AGBL4: variants seen among roughly 807,000 people sequenced by gnomAD.
AGBL4 encodes AGBL carboxypeptidase 4.
Under a neutral mutation model 66.4 loss-of-function variants are expected in AGBL4, and 58 were observed. The ratio of observed to expected loss-of-function variants is 0.87; its 90% CI spans 0.71 to 1.09. The LOEUF is 1.09. AGBL4 is among the 50% of genes least tolerant of loss of function. The probability of loss-of-function intolerance (pLI) is 0.00; values close to 1 mark genes in which losing one functional copy is unlikely to be tolerated. For synonymous variants in AGBL4, 234 were observed against 222.9 expected, an observed-to-expected ratio of 1.05 and a Z score of -0.44; for missense variants, 579 against 631.0, an observed-to-expected ratio of 0.92 and a Z score of 0.88.
intron 8 of AGBL4, among the ~76,000 whole-genome samples, chr1:48,644,053 C>T (rs1253309237): frequency 6.6e-6 from 1 of 152,102 alleles, no homozygotes; most frequent in East Asian, 1.9e-4. Flanking sequence ...CCTGTATCTC[C>T]TTCTACATTG....
intron 2 of AGBL4, among the ~76,000 whole-genome samples, chr1:49,786,528 A>G (rs965880403): frequency 7.9e-5 from 12 of 152,264 alleles, no homozygotes; most frequent in Middle Eastern, 6.8e-3. Context: ...TTTTTATTCA[A>G]CTTAGTACTC....
intron 6 of AGBL4, among the ~76,000 whole-genome samples, chr1:48,752,716 C>A (rs1222655862): frequency 3.3e-5 from 5 of 152,082 alleles, no homozygotes; most frequent in African/African-American, 1.2e-4. Context: ...TACTATATGC[C>A]AGCCTCCAGG....
chr1:49,820,935 C>T (rs1380286845), intron 2 of AGBL4, among the ~76,000 whole-genome samples: 1 of 152,154 alleles, frequency 6.6e-6, no homozygotes, highest in Non-Finnish European at 1.5e-5. Context: ...GAATAACATG[C>T]TTACCCTAAT....
intron 1 of AGBL4, among the ~76,000 whole-genome samples, chr1:49,899,164 C>T (rs186325205): frequency 5.7e-4 from 86 of 151,984 alleles, no homozygotes; most frequent in Middle Eastern, 6.8e-3. Flanking sequence ...TAAATGCTTG[C>T]GGGGATGAAT....
At chr1:49,880,718 C>T (rs1321418926) in intron 1 of AGBL4, among the ~76,000 whole-genome samples, 1 of 152,160 alleles carries the variant, frequency 6.6e-6, no homozygotes, top group African/African-American at 2.4e-5. Flanking sequence ...GCTTTGTTTA[C>T]CTAAGCAAGC....
chr1:49,848,811 T>TA (rs1277920158), intron 2 of AGBL4, among the ~76,000 whole-genome samples: 1 of 152,116 alleles, frequency 6.6e-6, no homozygotes, highest in African/African-American at 2.4e-5. Context: ...TTTATTCAAA[T>TA]AAAAAACTTT....
chr1:48,967,439 AT>A (rs1476121686), intron 5 of AGBL4, among the ~76,000 whole-genome samples: 2 of 152,188 alleles, frequency 1.3e-5, no homozygotes, highest in East Asian at 3.9e-4. Flanking sequence ...AACAGTGATT[AT>A]TTCATAATTC....
intron 3 of AGBL4, among the ~76,000 whole-genome samples, chr1:49,344,654 C>T (rs1266240818): frequency 6.6e-6 from 1 of 152,050 alleles, no homozygotes; most frequent in African/African-American, 2.4e-5. Flanking sequence ...CCCCAATAAA[C>T]TAAAAAATTT....
At chr1:49,293,587 G>A (rs1644585840) in intron 3 of AGBL4, among the ~76,000 whole-genome samples, 1 of 152,214 alleles carries the variant, frequency 6.6e-6, no homozygotes, top group Admixed American at 6.5e-5. Context: ...TCCCTGAGGA[G>A]ATTCTGAATA....
At chr1:49,891,238 T>C (rs572268566) in intron 1 of AGBL4, among the ~76,000 whole-genome samples, 1 of 152,324 alleles carries the variant, frequency 6.6e-6, no homozygotes, top group South Asian at 2.1e-4. Context: ...CCTTTAATTG[T>C]ACACTTCTGA....
intron 5 of AGBL4, among the ~76,000 whole-genome samples, chr1:48,935,974 A>G (rs937914995): frequency 0.02 from 2,057 of 104,220 alleles, 191 homozygotes; most frequent in African/African-American, 0.081. Context: ...AAAAAAAAAA[A>G]AAAAAAAAAA....
At chr1:49,845,624 T>C (rs551772845) in intron 2 of AGBL4, 1 of 1,607,794 alleles carries the variant, frequency 6.2e-7, no homozygotes, top group East Asian at 2.2e-5. Context: ...ATCACACCAC[T>C]GATTCAGCAC....
At chr1:48,563,998 G>A (rs187411268) in intron 11 of AGBL4, among the ~76,000 whole-genome samples, 5 of 152,250 alleles carry the variant, frequency 3.3e-5, no homozygotes, top group African/African-American at 7.2e-5. Flanking sequence ...TCCTGTAAAC[G>A]CAGTAAGCTC....
intron 1 of AGBL4, among the ~76,000 whole-genome samples, chr1:49,960,317 C>T (rs946930830): frequency 5.9e-5 from 9 of 151,670 alleles, no homozygotes; most frequent in African/African-American, 1.9e-4. Flanking sequence ...TGTCAGGAAC[C>T]GAAAATTAAA....
intron 6 of AGBL4, among the ~76,000 whole-genome samples, chr1:48,765,347 A>G (rs1426910148): frequency 6.6e-6 from 1 of 152,238 alleles, no homozygotes; most frequent in African/African-American, 2.4e-5. Flanking sequence ...AGGGAAATGC[A>G]AATCAAAACT....
At chr1:49,917,794 C>T (rs1381018746) in intron 1 of AGBL4, among the ~76,000 whole-genome samples, 1 of 152,188 alleles carries the variant, frequency 6.6e-6, no homozygotes, top group Non-Finnish European at 1.5e-5. Flanking sequence ...CTTCTCAGCA[C>T]CACACCACAC....
At chr1:49,434,726 G>C (rs1055983075) in intron 3 of AGBL4, among the ~76,000 whole-genome samples, 1 of 151,682 alleles carries the variant, frequency 6.6e-6, no homozygotes. Context: ...GGTGGTGGTG[G>C]TGGTGGTGTG....
intron 5 of AGBL4, among the ~76,000 whole-genome samples, chr1:49,041,150 T>C (rs1643930958): frequency 6.6e-5 from 10 of 152,058 alleles, no homozygotes; most frequent in Admixed American, 6.6e-4. Flanking sequence ...CACTAAAAAT[T>C]CAAAATCTTC....
rs1389326232 is a variant in AGBL4 at position 48,777,565 on chromosome 1, A to T, written c.634+89626T>A. ...GCTCCCTCTGTGGAAAGGGTCAGTC[A>T]GACAGAAAATTTCCCCTAGAGCTGC... On this transcript the variant is annotated intron_variant, in intron 6 of 13. Transcript: ENST00000371839. Among the ~76,000 whole-genome samples, 3 of 152,104 alleles carry T rather than the reference A, an allele frequency of 2.0e-5. No homozygotes were observed. In the East Asian group the frequency reaches 5.8e-4, roughly 29 times the overall value.
Sources: gnomAD v4.1 joint callset for allele counts (sites outside exome capture counted in the v4.1 genomes callset) on GRCh38, gnomAD v4.1.1 for gene constraint, MANE v1.5 for transcripts, NCBI Gene and HGNC (gene_info 2026-07-23, HGNC 2026-07-21) for gene names.